The following HTT-AS variants were observed in gnomAD, a reference collection of about 807,000 sequenced individuals.
HTT-AS encodes HTT antisense RNA (head to head).
intron 2 of HTT-AS, among the ~76,000 whole-genome samples, chr4:3,058,250 C>T (rs938000619): frequency 2.0e-5 from 3 of 151,826 alleles, no homozygotes; most frequent in Non-Finnish European, 2.9e-5. Context: ...CGCTTGAACC[C>T]GGGAAGCCGA....
intron 1 of HTT-AS, chr4:3,070,150 C>T (rs1484265435): frequency 6.6e-6 from 1 of 152,302 alleles, no homozygotes. Flanking sequence ...TAACAATCTT[C>T]CCCTGAATAG....
chr4:3,069,327 TA>T (rs770652418), intron 1 of HTT-AS, among the ~76,000 whole-genome samples: 9 of 147,636 alleles, frequency 6.1e-5, no homozygotes, highest in Admixed American at 2.7e-4. Context: ...TTTTTTTTTT[TA>T]AATATTTAGT....
intron 1 of HTT-AS, chr4:3,074,322 T>A (rs1712324794): frequency 1.2e-5 from 1 of 82,202 alleles, no homozygotes; most frequent in Non-Finnish European, 2.3e-5. Context: ...GCCCCCCGCA[T>A]CGCCACGCCC....
intron 2 of HTT-AS, among the ~76,000 whole-genome samples, chr4:3,057,027 G>C (rs1711814918): frequency 1.4e-5 from 2 of 143,850 alleles, no homozygotes; most frequent in South Asian, 5.2e-4. Context: ...CCTTGTGACT[G>C]GCTTTTTCTT....
At chr4:3,047,659 G>A (rs982059634), downstream of HTT-AS, among the ~76,000 whole-genome samples, 1 of 152,180 alleles carries the variant, frequency 6.6e-6, no homozygotes, top group Non-Finnish European at 1.5e-5. Context: ...TTGGCCAGGG[G>A]AGAGGGGCGG....
At chr4:3,074,622 T>C (rs1712353428), upstream of HTT-AS, 1 of 424,090 alleles carries the variant, frequency 2.4e-6, no homozygotes, top group Non-Finnish European at 3.9e-6. Context: ...TGGCCCCGCC[T>C]CCGCCGGCGC....
At chr4:3,061,684 G>GGAA (rs373862551) in intron 2 of HTT-AS, among the ~76,000 whole-genome samples, 1 of 110,918 alleles carries the variant, frequency 9.0e-6, no homozygotes, top group Non-Finnish European at 1.8e-5. Context: ...CTCCATCTCA[G>GGAA]AAAAAAAAAA....
At chr4:3,061,142 GCC>G (rs1182548079) in intron 2 of HTT-AS, among the ~76,000 whole-genome samples, 2 of 152,186 alleles carry the variant, frequency 1.3e-5, no homozygotes, top group Non-Finnish European at 2.9e-5. Flanking sequence ...TGGGTATTAT[GCC>G]ACTTCAGTGA....
intron 1 of HTT-AS, chr4:3,069,921 C>T (rs1480200436): frequency 6.6e-6 from 1 of 152,510 alleles, no homozygotes; most frequent in Non-Finnish European, 1.5e-5. Context: ...CTCATTTCCC[C>T]CTGGGGTCTG....
downstream of HTT-AS, among the ~76,000 whole-genome samples, chr4:3,047,667 C>T (rs973562984): frequency 5.3e-5 from 8 of 152,066 alleles, no homozygotes; most frequent in Admixed American, 2.6e-4. Flanking sequence ...GGGAGAGGGG[C>T]GGAGGGGTTA....
At chr4:3,047,387 G>T (rs1476366781), downstream of HTT-AS, among the ~76,000 whole-genome samples, 1 of 152,176 alleles carries the variant, frequency 6.6e-6, no homozygotes, top group African/African-American at 2.4e-5. Context: ...GATATGATTA[G>T]ATATGACTAT....
chr4:3,071,903 A>G (rs1712181487), intron 1 of HTT-AS, among the ~76,000 whole-genome samples: 1 of 152,172 alleles, frequency 6.6e-6, no homozygotes, highest in Non-Finnish European at 1.5e-5. Context: ...TCTAGCCTCT[A>G]GGACCATGAG....
intron 2 of HTT-AS, among the ~76,000 whole-genome samples, chr4:3,050,144 G>A (rs1711677028): frequency 1.3e-5 from 2 of 152,128 alleles, no homozygotes; most frequent in Admixed American, 1.3e-4. Context: ...AGGACAAGGT[G>A]GCCGTCCTGG....
intron 1 of HTT-AS, chr4:3,070,199 GC>G (rs1712139005): frequency 6.6e-6 from 1 of 152,098 alleles, no homozygotes; most frequent in South Asian, 2.1e-4. Context: ...ATATGGAAAA[GC>G]ACAAAGATTA....
At chr4:3,062,041 T>C (rs1275660454) in intron 2 of HTT-AS, among the ~76,000 whole-genome samples, 1 of 144,586 alleles carries the variant, frequency 6.9e-6, no homozygotes, top group African/African-American at 2.6e-5. Flanking sequence ...TCTATCTCAG[T>C]GAGCAGAAGG....
downstream of HTT-AS, among the ~76,000 whole-genome samples, chr4:3,047,903 G>A (rs987674584): frequency 2.0e-4 from 30 of 152,224 alleles, no homozygotes; most frequent in Non-Finnish European, 1.8e-4. Flanking sequence ...AAATAATGAC[G>A]TAGGCTGTCT....
At chr4:3,063,353 TC>T (rs1219871634) in exon 2 of HTT-AS, 2 of 152,438 alleles carry the variant, frequency 1.3e-5, no homozygotes, top group East Asian at 3.9e-4. Context: ...GCTGCCTGGT[TC>T]TTGTAGGACG....
chr4:3,072,759 C>A (rs769961928), intron 1 of HTT-AS, among the ~76,000 whole-genome samples: 3 of 152,162 alleles, frequency 2.0e-5, no homozygotes, highest in Non-Finnish European at 2.9e-5. Flanking sequence ...TCCGGAATAG[C>A]TGGGACTACA....
intron 2 of HTT-AS, among the ~76,000 whole-genome samples, chr4:3,061,843 G>A (rs1394152868): frequency 2.0e-5 from 3 of 151,590 alleles, no homozygotes; most frequent in Admixed American, 6.6e-5. Flanking sequence ...CTAGCTGGGT[G>A]TGGTGGCGAG....
Sources: gnomAD v4.1 joint callset for allele counts (sites outside exome capture counted in the v4.1 genomes callset) on GRCh38, gnomAD v4.1.1 for gene constraint, MANE v1.5 for transcripts, NCBI Gene and HGNC (gene_info 2026-07-23, HGNC 2026-07-21) for gene names.